LTBP1: variants seen among roughly 807,000 people sequenced by gnomAD.
LTBP1 encodes the protein latent-transforming growth factor beta-binding protein 1.
LTBP1 carries 129 observed loss-of-function variants against 207.6 expected under a neutral mutation model. That is an observed-to-expected ratio of 0.62 (90% CI 0.54 to 0.72). The LOEUF (loss-of-function observed/expected upper bound fraction) is 0.72, where lower values mean the gene tolerates loss of function less well. Among genes scored for constraint, LTBP1 ranks in the 30% least tolerant of loss-of-function variants. The pLI, the probability that LTBP1 is intolerant of heterozygous loss-of-function variation, is 0.00. For synonymous variants in LTBP1, 963 were observed against 833.7 expected, an observed-to-expected ratio of 1.16 and a Z score of -2.67; for missense variants, 2,281 against 2,217.2, an observed-to-expected ratio of 1.03 and a Z score of -0.58.
chr2:33,224,660 C>T (rs73924195), intron 9 of LTBP1, among the ~76,000 whole-genome samples: 2 of 152,104 alleles, frequency 1.3e-5, no homozygotes, highest in African/African-American at 4.8e-5. Context: ...TTTTAATAAT[C>T]TGTATTACCT....
At chr2:33,353,340 G>A (rs771259019) in intron 26 of LTBP1, among the ~76,000 whole-genome samples, 7 of 152,002 alleles carry the variant, frequency 4.6e-5, no homozygotes, top group African/African-American at 1.4e-4. Context: ...GACTGTCACC[G>A]AGTTGTCACA....
chr2:33,134,312 G>T lies in LTBP1; in HGVS notation c.1034-481G>T. On this transcript the variant is annotated intron_variant, in intron 4 of 33. Coordinates refer to ENST00000404816, the MANE Select transcript of LTBP1 (RefSeq NM_206943.4). This position sits in a 1 kb window ranked among gnomAD's most constrained non-coding sequence, Gnocchi z 4.4. ...GCCGCATGCCTAAAACATTTCCAGGGGTCGGGCTGCAAATAGTGACTTAAT... is the reference window on the plus strand; with the variant it reads ...GCCGCATGCCTAAAACATTTCCAGGTGTCGGGCTGCAAATAGTGACTTAAT... The T allele has an allele frequency of 2.4e-6, 1 of 409,440 alleles. No homozygotes were observed. Among genetic ancestry groups the T allele is most frequent in the Non-Finnish European group, 4.9e-6 (1 of 202,856 alleles). The allele number at this position is 409,440 out of a possible 1,614,324, so 25.4% of individuals were successfully genotyped here.
intron 9 of LTBP1, among the ~76,000 whole-genome samples, chr2:33,227,483 T>C (rs111905136): frequency 3.7e-3 from 570 of 152,314 alleles, no homozygotes; most frequent in Non-Finnish European, 6.8e-3. Context: ...ACAGAAAATA[T>C]AGAAATCTTG....
chr2:33,343,493 G>A (rs992655890), intron 25 of LTBP1, among the ~76,000 whole-genome samples: 7 of 151,336 alleles, frequency 4.6e-5, no homozygotes, highest in African/African-American at 1.7e-4. Flanking sequence ...ACATTTAAAT[G>A]AATTTTAACA....
chr2:33,309,389 T>C, intron 22 of LTBP1, 45 bp from the exon 23 acceptor site: 1 of 1,404,534 alleles, frequency 7.1e-7, no homozygotes, highest in Non-Finnish European at 9.8e-7. Context: ...AATTTTCCGA[T>C]ATGTGATTTA....
At chr2:33,294,868 C>T (rs1420705361) in intron 20 of LTBP1, among the ~76,000 whole-genome samples, 1 of 151,706 alleles carries the variant, frequency 6.6e-6, no homozygotes, top group Non-Finnish European at 1.5e-5. Flanking sequence ...TGAGCCACCA[C>T]GCCTGGCAAA....
chr2:33,345,938 G>C (rs1055981102), intron 25 of LTBP1, among the ~76,000 whole-genome samples: 2 of 152,218 alleles, frequency 1.3e-5, no homozygotes, highest in African/African-American at 4.8e-5. Flanking sequence ...GGAGGAAAGA[G>C]GGTAAAAAGC....
intron 2 of LTBP1, among the ~76,000 whole-genome samples, chr2:32,958,184 C>G (rs1190306270): frequency 1.3e-5 from 2 of 152,172 alleles, no homozygotes; most frequent in Non-Finnish European, 2.9e-5. Flanking sequence ...AGACCTGAAG[C>G]AGGGCTAAGT....
intron 2 of LTBP1, among the ~76,000 whole-genome samples, chr2:32,972,520 C>G (rs916810792): frequency 1.3e-5 from 2 of 152,036 alleles, no homozygotes; most frequent in African/African-American, 4.8e-5. Context: ...GACTTAATTT[C>G]ATGTTTATCC....
At chr2:33,102,675 C>G (rs2079803833) in intron 3 of LTBP1, among the ~76,000 whole-genome samples, 1 of 152,102 alleles carries the variant, frequency 6.6e-6, no homozygotes. Context: ...TTTCATTTTA[C>G]TTTTGCTGTG....
intron 5 of LTBP1, among the ~76,000 whole-genome samples, chr2:33,164,890 T>G (rs1015122252): frequency 2.5e-4 from 38 of 152,250 alleles, no homozygotes; most frequent in African/African-American, 8.7e-4. Flanking sequence ...AAATGTGTAC[T>G]GAGAAGCAGG....
At chr2:33,372,838 T>G (rs1365767272) in intron 31 of LTBP1, among the ~76,000 whole-genome samples, 1 of 152,182 alleles carries the variant, frequency 6.6e-6, no homozygotes, top group Non-Finnish European at 1.5e-5. Flanking sequence ...CACTCTAGTT[T>G]GGACAACAGA....
At chr2:33,265,919 C>G (rs2093163210) in intron 15 of LTBP1, among the ~76,000 whole-genome samples, 1 of 152,178 alleles carries the variant, frequency 6.6e-6, no homozygotes, top group African/African-American at 2.4e-5. Context: ...ATTCCCTCCT[C>G]AGAAACATGT....
intron 7 of LTBP1, among the ~76,000 whole-genome samples, chr2:33,213,581 C>A (rs1344195468): frequency 6.6e-6 from 1 of 152,174 alleles, no homozygotes; most frequent in African/African-American, 2.4e-5. Flanking sequence ...ACCTTCTTTT[C>A]CTGTAGGCAT....
At chr2:33,070,822 G>A (rs1432296296) in intron 3 of LTBP1, among the ~76,000 whole-genome samples, 1 of 152,176 alleles carries the variant, frequency 6.6e-6, no homozygotes, top group Non-Finnish European at 1.5e-5. Flanking sequence ...GCGTGGGGGA[G>A]TAACACCTGT....
At chr2:33,366,609 T>G (rs538142289) in intron 31 of LTBP1, among the ~76,000 whole-genome samples, 10 of 152,354 alleles carry the variant, frequency 6.6e-5, no homozygotes, top group African/African-American at 2.2e-4. Context: ...CAGTTGGCAC[T>G]GAGTCTGGAA....
intron 5 of LTBP1, among the ~76,000 whole-genome samples, chr2:33,142,947 A>G (rs1243388083): frequency 6.6e-6 from 1 of 152,214 alleles, no homozygotes; most frequent in African/African-American, 2.4e-5. Context: ...ATACGGAGTG[A>G]TCTTTGGAAA....
At position 33,347,400 on chromosome 2, in the gene LTBP1, G is replaced by T. The variant is rs1395912779; in HGVS notation, c.3890G>T (p.Cys1297Phe). 6.2e-7 allele frequency: 1 copy of T among 1,614,090 alleles called. No individual in the cohort carries two copies. Among genetic ancestry groups the T allele is most frequent in the African/African-American group, 1.3e-5 (1 of 74,922 alleles). ...VNECELLSGV[C>F]GEAFCENVEG... is the part of the protein sequence containing the mutation. ...GAATGTGAACTGCTCAGTGGGGTGT[G>T]TGGTGAAGCCTTCTGTGAAAACGTG... is the stretch of plus-strand genomic sequence containing the variant. Residue 1297 changes from cysteine to phenylalanine, a missense_variant, in exon 26 of 34, where the codon TGT (cysteine) becomes TTT (phenylalanine). By Grantham distance (205) the Cys-to-Phe change is radical. Coordinates refer to ENST00000404816, the MANE Select transcript of LTBP1 (RefSeq NM_206943.4).
At chr2:33,149,076 G>T (rs1034017921) in intron 5 of LTBP1, among the ~76,000 whole-genome samples, 1 of 151,980 alleles carries the variant, frequency 6.6e-6, no homozygotes, top group Non-Finnish European at 1.5e-5. Context: ...TTAGCTGGGC[G>T]TGGTGGCAGG....
Sources: gnomAD v4.1 joint callset for allele counts (sites outside exome capture counted in the v4.1 genomes callset) on GRCh38, gnomAD v4.1.1 for gene constraint, Gnocchi (gnomAD v3.1) non-coding constraint, MANE v1.5 for transcripts, NCBI Gene and HGNC (gene_info 2026-07-23, HGNC 2026-07-21) for gene names.